Variants in MAGI1 observed in about 807,000 individuals in gnomAD.
MAGI1 encodes membrane-associated guanylate kinase, WW and PDZ domain-containing protein 1.
MAGI1 carries 58 observed loss-of-function variants against 139.9 expected under a neutral mutation model. The observed-to-expected ratio is 0.41, with a 90% CI of 0.34 to 0.52. The LOEUF (loss-of-function observed/expected upper bound fraction) is 0.52, where lower values mean the gene tolerates loss of function less well. Among genes scored for constraint, MAGI1 ranks in the 20% least tolerant of loss-of-function variants. The pLI, the probability that MAGI1 is intolerant of heterozygous loss-of-function variation, is 0.12. For missense variants in MAGI1, 1,874 were observed against 1,901.6 expected, an observed-to-expected ratio of 0.99 and a Z score of 0.27; for synonymous variants, 812 against 737.9, an observed-to-expected ratio of 1.10 and a Z score of -1.63.
At chr3:65,395,006 G>T (rs1165411735) in intron 13 of MAGI1, among the ~76,000 whole-genome samples, 1 of 152,154 alleles carries the variant, frequency 6.6e-6, no homozygotes, top group Admixed American at 6.5e-5. Context: ...GAAACCCTGT[G>T]CATACTAAGA....
chr3:65,918,683 C>A (rs1484660853), intron 1 of MAGI1, among the ~76,000 whole-genome samples: 1 of 152,010 alleles, frequency 6.6e-6, no homozygotes, highest in Non-Finnish European at 1.5e-5. Flanking sequence ...CCGGCCTCCA[C>A]AACATTCTTA....
intron 2 of MAGI1, among the ~76,000 whole-genome samples, chr3:65,494,976 T>A (rs1230721957): frequency 6.6e-6 from 1 of 152,258 alleles, no homozygotes. Flanking sequence ...ATAATCAGCA[T>A]GCTAGAACCT....
At chr3:65,506,195 T>C (rs567136072) in intron 2 of MAGI1, among the ~76,000 whole-genome samples, 1 of 152,280 alleles carries the variant, frequency 6.6e-6, no homozygotes, top group African/African-American at 2.4e-5. Context: ...GGTAAACATT[T>C]TGGGTCTTGG....
At chr3:65,541,785 C>T (rs968009216) in intron 2 of MAGI1, among the ~76,000 whole-genome samples, 14 of 152,098 alleles carry the variant, frequency 9.2e-5, no homozygotes. Context: ...ATAATAAGAG[C>T]TATTTATGAC....
chr3:65,639,801 A>G (rs4369976), intron 1 of MAGI1, among the ~76,000 whole-genome samples: 28,709 of 151,866 alleles, frequency 0.19, 3,414 homozygotes, highest in African/African-American at 0.32. Context: ...TCTGGAGTTC[A>G]AGACCAGCCT....
intron 1 of MAGI1, among the ~76,000 whole-genome samples, chr3:65,651,529 C>A (rs144438043): frequency 1.3e-5 from 2 of 152,040 alleles, no homozygotes; most frequent in East Asian, 3.9e-4. Context: ...CTGTATATTG[C>A]GGCATGTGGA....
intron 1 of MAGI1, among the ~76,000 whole-genome samples, chr3:65,768,551 A>G (rs564607707): frequency 6.6e-6 from 1 of 152,380 alleles, no homozygotes; most frequent in South Asian, 2.1e-4. Context: ...CAAAAATAAG[A>G]CTATTGAAAT....
At chr3:66,030,138 A>G (rs891125950) in intron 1 of MAGI1, among the ~76,000 whole-genome samples, 3 of 152,148 alleles carry the variant, frequency 2.0e-5, no homozygotes, top group African/African-American at 4.8e-5. Context: ...CCATAATACT[A>G]AGACCAACTG....
chr3:65,417,764 G>A (rs1026025698), intron 12 of MAGI1, among the ~76,000 whole-genome samples: 1 of 152,122 alleles, frequency 6.6e-6, no homozygotes, highest in African/African-American at 2.4e-5. Flanking sequence ...GAAACAGCAG[G>A]CCAGGGGGAA....
intron 1 of MAGI1, among the ~76,000 whole-genome samples, chr3:65,768,207 G>A (rs2037648686): frequency 1.3e-5 from 2 of 152,128 alleles, no homozygotes; most frequent in Admixed American, 6.5e-5. Flanking sequence ...ATCACTTGAG[G>A]TTAGGAGTTC....
chr3:65,901,111 C>T (rs901726235), intron 1 of MAGI1, among the ~76,000 whole-genome samples: 10 of 152,208 alleles, frequency 6.6e-5, no homozygotes, highest in Non-Finnish European at 1.2e-4. Flanking sequence ...CAGTAAACAT[C>T]CTCTTTTTAT....
chr3:65,671,435 T>G (rs749802407), intron 1 of MAGI1, among the ~76,000 whole-genome samples: 2 of 152,144 alleles, frequency 1.3e-5, no homozygotes, highest in Non-Finnish European at 2.9e-5. Context: ...CTCACCCAAA[T>G]GAGCTGGCCA....
chr3:65,631,826 C>A (rs1023622918), intron 1 of MAGI1, among the ~76,000 whole-genome samples: 1 of 152,042 alleles, frequency 6.6e-6, no homozygotes, highest in Admixed American at 6.5e-5. Context: ...CAGTTCGAGA[C>A]CATCCTGGCC....
chr3:65,873,544 T>G (rs2060009647), intron 1 of MAGI1: 1 of 152,114 alleles, frequency 6.6e-6, no homozygotes, highest in Admixed American at 6.5e-5. Flanking sequence ...ATCACAAAGG[T>G]TTCAGACAAA....
chr3:65,889,355 G>T (rs1353397988), intron 1 of MAGI1, among the ~76,000 whole-genome samples: 1 of 152,204 alleles, frequency 6.6e-6, no homozygotes, highest in African/African-American at 2.4e-5. Flanking sequence ...TAGAAGACCA[G>T]TTGCTGCTAC....
At chr3:65,908,183 C>CAAAGAATCTTTG (rs2061512660) in intron 1 of MAGI1, among the ~76,000 whole-genome samples, 1 of 152,144 alleles carries the variant, frequency 6.6e-6, no homozygotes, top group Non-Finnish European at 1.5e-5. Flanking sequence ...ATACACCACA[C>CAAAGAATCTTTG]AATAAGAAAC....
At chr3:65,838,563 A>G (rs2058704564) in intron 1 of MAGI1, among the ~76,000 whole-genome samples, 1 of 152,220 alleles carries the variant, frequency 6.6e-6, no homozygotes, top group South Asian at 2.1e-4. Context: ...GTGTATATCA[A>G]TAGTTTGTTC....
chr3:65,925,760 A>G (rs770218476), intron 1 of MAGI1, among the ~76,000 whole-genome samples: 1 of 152,030 alleles, frequency 6.6e-6, no homozygotes, highest in Non-Finnish European at 1.5e-5. Flanking sequence ...GCTCACTGCA[A>G]TCTCCACCTC....
chr3:65,749,305 A>G (rs7626604), intron 1 of MAGI1, among the ~76,000 whole-genome samples: 18,652 of 152,184 alleles, frequency 0.12, 1,329 homozygotes, highest in African/African-American at 0.17. Context: ...GCATCCATCA[A>G]ATAAGGTGAA....
Sources: allele counts gnomAD v4.1 joint callset (sites outside exome capture counted in the v4.1 genomes callset), GRCh38; gene constraint gnomAD v4.1.1; transcripts MANE v1.5; gene names NCBI Gene and HGNC (gene_info 2026-07-23, HGNC 2026-07-21).